The following CACNB2 variants were observed in gnomAD, a reference collection of about 807,000 sequenced individuals.
The protein encoded by CACNB2 is voltage-dependent L-type calcium channel subunit beta-2.
In CACNB2, 42 loss-of-function variants were observed where a neutral mutation model predicts 73.3. The observed-to-expected ratio is 0.57, with a 90% confidence interval of 0.45 to 0.74. CACNB2 has a LOEUF of 0.74. Ranked by LOEUF, CACNB2 falls within the 30% of genes least tolerant of loss-of-function variation. The probability of loss-of-function intolerance (pLI) is 0.00; values close to 1 mark genes in which losing one functional copy is unlikely to be tolerated. For missense variants in CACNB2, 940 were observed against 853.0 expected, an observed-to-expected ratio of 1.10 and a Z score of -1.27; for synonymous variants, 348 against 310.3, an observed-to-expected ratio of 1.12 and a Z score of -1.28.
At chr10:18,426,955 ATTTTTTT>A (rs551543429) in intron 3 of CACNB2, among the ~76,000 whole-genome samples, 1 of 81,656 alleles carries the variant, frequency 1.2e-5, no homozygotes, top group Non-Finnish European at 2.2e-5. Flanking sequence ...CCTTTTCTAC[ATTTTTTT>A]TTTTTTTTTT....
intron 2 of CACNB2, among the ~76,000 whole-genome samples, chr10:18,200,249 C>T (rs2034820389): frequency 6.6e-6 from 1 of 151,118 alleles, no homozygotes. Flanking sequence ...GTAGGTATTA[C>T]ATTAATTATA....
rs1215019853 is a variant in CACNB2 at position 18,472,230 on chromosome 10, T to C, written c.334-26125T>C. ...CCGGCCCACTTTTCTTCTTTTTTTT[T>C]TTTTTTTTTTTTTTTTTTTTTTTTG... On this transcript the variant is annotated intron_variant, in intron 3 of 13. Transcript: ENST00000324631. Among the ~76,000 whole-genome samples the C allele has an allele frequency of 7.3e-3, 131 of 17,920 alleles. 1 individual carries two copies. Among genetic ancestry groups the C allele is most frequent in the African/African-American group, 0.023 (123 of 5,436 alleles). The allele number at this position is 17,920 out of a possible 152,430, so 11.8% of individuals were successfully genotyped here.
intron 3 of CACNB2, among the ~76,000 whole-genome samples, chr10:18,402,348 A>C (rs1332460826): frequency 2.0e-5 from 3 of 150,930 alleles, no homozygotes; most frequent in African/African-American, 7.3e-5. Context: ...CCTAATATCA[A>C]CATGTTTTAC....
intron 2 of CACNB2, among the ~76,000 whole-genome samples, chr10:18,202,386 G>A (rs1314658707): frequency 2.0e-5 from 3 of 152,072 alleles, no homozygotes; most frequent in Non-Finnish European, 4.4e-5. Context: ...GATCTTCTCT[G>A]GGCCTTGGTT....
At chr10:18,491,899 T>C (rs1375365709) in intron 3 of CACNB2, among the ~76,000 whole-genome samples, 7 of 145,220 alleles carry the variant, frequency 4.8e-5, no homozygotes, top group Non-Finnish European at 7.5e-5. Context: ...GAGATATGTA[T>C]CAGTACATTC....
intron 2 of CACNB2, among the ~76,000 whole-genome samples, chr10:18,266,718 G>A (rs186407937): frequency 1.3e-5 from 2 of 152,066 alleles, no homozygotes; most frequent in African/African-American, 2.4e-5. Context: ...GTGAAACCTC[G>A]TCTCTACTAA....
Position 18,485,301 on chromosome 10 carries a change from A to G in CACNB2, c.334-13054A>G, listed in dbSNP as rs74803466. ...AGAGAAGTTATAATCAGACAAGGATAACTAGAAAGTAAGATATCAGTAAGT... is the reference window on the plus strand; with the variant it reads ...AGAGAAGTTATAATCAGACAAGGATGACTAGAAAGTAAGATATCAGTAAGT... On this transcript the variant is annotated intron_variant, in intron 3 of 13. Coordinates refer to ENST00000324631, the MANE Select transcript of CACNB2 (RefSeq NM_201596.3). Among the ~76,000 whole-genome samples, 18 of 152,322 alleles carry G rather than the reference A, an allele frequency of 1.2e-4. No individual in the cohort carries two copies. In the East Asian group the frequency reaches 3.5e-3, roughly 29 times the overall value.
intron 12 of CACNB2, 24 bp from the exon 13 acceptor site, chr10:18,538,153 TGTG>T: frequency 1.2e-6 from 2 of 1,613,232 alleles, no homozygotes; most frequent in South Asian, 2.2e-5. Flanking sequence ...CTGGCATCAA[TGTG>T]GTCTGGAATG....
At chr10:18,307,687 A>G (rs933926360) in intron 2 of CACNB2, among the ~76,000 whole-genome samples, 1 of 152,232 alleles carries the variant, frequency 6.6e-6, no homozygotes, top group Non-Finnish European at 1.5e-5. Flanking sequence ...GAAAGTGAAC[A>G]TATAATTTGA....
intron 2 of CACNB2, among the ~76,000 whole-genome samples, chr10:18,318,178 G>A (rs368099500): frequency 5.9e-5 from 9 of 152,070 alleles, no homozygotes; most frequent in East Asian, 5.8e-4. Flanking sequence ...ACAGTCCTAG[G>A]CAAAAATAAC....
chr10:18,436,817 G>T (rs1424176750), intron 3 of CACNB2, among the ~76,000 whole-genome samples: 1 of 152,100 alleles, frequency 6.6e-6, no homozygotes, highest in African/African-American at 2.4e-5. Flanking sequence ...ATAAAAATTT[G>T]CCAAAGATTG....
intron 3 of CACNB2, among the ~76,000 whole-genome samples, chr10:18,449,981 G>A (rs1218801818): frequency 6.6e-6 from 1 of 152,214 alleles, no homozygotes; most frequent in Non-Finnish European, 1.5e-5. Context: ...TGGAAGACCC[G>A]GGGCTGGCGG....
chr10:18,175,384 A>G (rs1029097799), intron 2 of CACNB2, among the ~76,000 whole-genome samples: 5 of 152,224 alleles, frequency 3.3e-5, no homozygotes, highest in African/African-American at 9.6e-5. Context: ...ACTTTGTCGC[A>G]TATAAAATAA....
intron 10 of CACNB2, among the ~76,000 whole-genome samples, chr10:18,527,990 G>T (rs1230067899): frequency 6.6e-6 from 1 of 152,152 alleles, no homozygotes; most frequent in Non-Finnish European, 1.5e-5. Context: ...CTTTGCATCA[G>T]TGTTACCATG....
intron 2 of CACNB2, among the ~76,000 whole-genome samples, chr10:18,351,782 GTA>G (rs1440042059): frequency 1.3e-5 from 2 of 152,180 alleles, no homozygotes; most frequent in East Asian, 3.9e-4. Context: ...TTCTTTGGTT[GTA>G]TTGCTTTCAA....
chr10:18,387,150 TTCCCATTGGTCTTTC>T (rs1211279007), intron 2 of CACNB2, among the ~76,000 whole-genome samples: 1 of 152,178 alleles, frequency 6.6e-6, no homozygotes, highest in East Asian at 1.9e-4. Context: ...CCTCCACCCC[TTCCCATTGGTCTTTC>T]TGCCTCGGAA....
chr10:18,425,021 C>T (rs920682548), intron 3 of CACNB2, among the ~76,000 whole-genome samples: 1 of 152,176 alleles, frequency 6.6e-6, no homozygotes, highest in Non-Finnish European at 1.5e-5. Flanking sequence ...CTTTACTGGG[C>T]AGTTTTTAAA....
intron 2 of CACNB2, among the ~76,000 whole-genome samples, chr10:18,318,009 T>C (rs1297277073): frequency 2.6e-5 from 4 of 152,204 alleles, no homozygotes; most frequent in Non-Finnish European, 5.9e-5. Context: ...TCTATGCTCA[T>C]GGATAGGAAG....
chr10:18,381,214 G>C (rs2043000817), intron 2 of CACNB2, among the ~76,000 whole-genome samples: 1 of 150,904 alleles, frequency 6.6e-6, no homozygotes, highest in Middle Eastern at 3.4e-3. Flanking sequence ...CTGCCTACTA[G>C]ATGGTTCATT....
Sources: allele counts gnomAD v4.1 joint callset (sites outside exome capture counted in the v4.1 genomes callset), GRCh38; gene constraint gnomAD v4.1.1; transcripts MANE v1.5; gene names NCBI Gene and HGNC (gene_info 2026-07-23, HGNC 2026-07-21).